CNGB3: variants seen among roughly 807,000 people sequenced by gnomAD.
The protein encoded by CNGB3 is cyclic nucleotide-gated channel beta-3.
In CNGB3, 86 loss-of-function variants were observed where a neutral mutation model predicts 92.8. That is an observed-to-expected ratio of 0.93 (90% CI 0.78 to 1.11). The LOEUF (loss-of-function observed/expected upper bound fraction) is 1.11. Among genes scored for constraint, CNGB3 ranks in the 50% least tolerant of loss-of-function variants. The pLI, the probability that CNGB3 is intolerant of heterozygous loss-of-function variation, is 0.00. For missense variants in CNGB3, 1,026 were observed against 956.8 expected, an observed-to-expected ratio of 1.07 and a Z score of -0.95; for synonymous variants, 333 against 332.7, an observed-to-expected ratio of 1.00 and a Z score of -0.01.
intron 3 of CNGB3, among the ~76,000 whole-genome samples, chr8:86,672,545 G>T (rs1823881542): frequency 6.6e-6 from 1 of 152,052 alleles, no homozygotes; most frequent in African/African-American, 2.4e-5. Flanking sequence ...CTGACATTGG[G>T]TCTACATGAG....
chr8:86,670,869 A>G, intron 4 of CNGB3, 75 bp downstream of exon 4: 1 of 1,518,958 alleles, frequency 6.6e-7, no homozygotes, highest in Non-Finnish European at 9.1e-7. Context: ...TGGGAGATCC[A>G]AACTAAAACA....
intron 1 of CNGB3, among the ~76,000 whole-genome samples, chr8:86,742,941 C>T (rs768692707): frequency 6.6e-5 from 10 of 152,134 alleles, no homozygotes; most frequent in Non-Finnish European, 1.3e-4. Context: ...TATAATTCTA[C>T]GTTGTGGAGG....
At chr8:86,698,596 G>A (rs1456323318) in intron 3 of CNGB3, among the ~76,000 whole-genome samples, 1 of 152,176 alleles carries the variant, frequency 6.6e-6, no homozygotes, top group Non-Finnish European at 1.5e-5. Flanking sequence ...GGCTTAACTT[G>A]CTTTTTGAAG....
At chr8:86,577,156 A>G (rs115937430) in intron 17 of CNGB3, among the ~76,000 whole-genome samples, 282 of 152,256 alleles carry the variant, frequency 1.9e-3, no homozygotes, top group African/African-American at 6.3e-3. Context: ...GAGAAACAAT[A>G]ACATTTGAGT....
chr8:86,622,102 A>G (rs1476266708), intron 13 of CNGB3, among the ~76,000 whole-genome samples: 2 of 152,202 alleles, frequency 1.3e-5, no homozygotes, highest in East Asian at 3.8e-4. Flanking sequence ...GTTGCTGCAA[A>G]TGCCATTATT....
intron 6 of CNGB3, chr8:86,658,830 G>A (rs954558387): frequency 3.3e-6 from 2 of 612,588 alleles, no homozygotes; most frequent in Non-Finnish European, 5.9e-6. Context: ...ATGACTGATG[G>A]TGGTGAGGTC....
chr8:86,654,462 A>G (rs2131603348), intron 6 of CNGB3, among the ~76,000 whole-genome samples: 2 of 152,260 alleles, frequency 1.3e-5, no homozygotes, highest in East Asian at 3.9e-4. Context: ...CTGTTATGGC[A>G]TTCATCATGA....
chr8:86,660,049 G>T, intron 6 of CNGB3: 2 of 328,724 alleles, frequency 6.1e-6, no homozygotes, highest in South Asian at 2.9e-5. Flanking sequence ...TGGCACCAGG[G>T]GAAGAGACAC....
chr8:86,699,811 G>T (rs982715198), intron 3 of CNGB3, among the ~76,000 whole-genome samples: 3 of 152,168 alleles, frequency 2.0e-5, no homozygotes, highest in Non-Finnish European at 4.4e-5. Flanking sequence ...AATATCTGCA[G>T]GTGGTGAATT....
At chr8:86,653,523 C>A (rs1823445085) in intron 7 of CNGB3, among the ~76,000 whole-genome samples, 1 of 151,892 alleles carries the variant, frequency 6.6e-6, no homozygotes, top group Non-Finnish European at 1.5e-5. Context: ...TCTCAGAGAA[C>A]AAAGTACTTA....
intron 3 of CNGB3, among the ~76,000 whole-genome samples, chr8:86,690,011 C>T (rs1399878913): frequency 6.6e-6 from 1 of 152,126 alleles, no homozygotes; most frequent in Non-Finnish European, 1.5e-5. Flanking sequence ...TGAGTAGTGT[C>T]ACAGTAAACA....
intron 3 of CNGB3, 128 bp downstream of exon 3, chr8:86,726,403 T>C: frequency 7.7e-7 from 1 of 1,291,130 alleles, no homozygotes; most frequent in Non-Finnish European, 1.1e-6. Flanking sequence ...ACAGTTTTTT[T>C]GTGTTATGTG....
rs543625826 is a variant in CNGB3, at chr8:86,589,853, G to A, written c.1782-10601C>T. On this transcript the variant is annotated intron_variant, in intron 15 of 17. Transcript: ENST00000320005. The stretch of plus-strand genomic sequence containing the variant: ...GGAGAGTTCTGTAGATGTCTATTGG[G>A]TCTGCTTGGTGCAGAGCTGAGTTCA... 1.0e-3 allele frequency among the ~76,000 whole-genome samples: 159 copies of A among 152,174 alleles called. 2 individuals carry two copies. Among genetic ancestry groups the A allele is most frequent in the South Asian group, 1.0e-2 (48 of 4,810 alleles).
chr8:86,574,616 G>A lies in CNGB3; in HGVS notation c.*1188C>T, dbSNP rs1383141273. On this transcript the variant is annotated 3_prime_UTR_variant, in exon 18 of 18. Coordinates refer to ENST00000320005, the MANE Select transcript of CNGB3 (RefSeq NM_019098.5). Reference sequence around the variant, plus strand: ...GTTAAAACCCTCTCAGCAAAGTGCTGTTACAGTGACCATCTTTGGAGACTT... The same window carrying A: ...GTTAAAACCCTCTCAGCAAAGTGCTATTACAGTGACCATCTTTGGAGACTT... The A allele has an allele frequency of 2.0e-5, 3 of 152,124 alleles. No homozygotes were observed. The highest frequency in any genetic ancestry group is 4.4e-5 in the Non-Finnish European group (3 of 68,010). 9.4% of individuals were successfully genotyped at this position (152,124 alleles called of 1,614,324 possible). A position where few individuals can be genotyped will look rare whatever the true frequency, so the allele number is the denominator to read the frequency against.
intron 15 of CNGB3, among the ~76,000 whole-genome samples, chr8:86,584,197 C>T (rs1292569486): frequency 6.6e-6 from 1 of 152,176 alleles, no homozygotes; most frequent in Non-Finnish European, 1.5e-5. Flanking sequence ...TTCATCTACT[C>T]AGCTTTCTTC....
At chr8:86,693,036 A>C (rs1824350429) in intron 3 of CNGB3, among the ~76,000 whole-genome samples, 1 of 152,106 alleles carries the variant, frequency 6.6e-6, no homozygotes, top group South Asian at 2.1e-4. Flanking sequence ...TGTTTTGTTT[A>C]AGGAGGTTAA....
At chr8:86,591,067 C>G (rs1822022363) in intron 15 of CNGB3, among the ~76,000 whole-genome samples, 1 of 151,950 alleles carries the variant, frequency 6.6e-6, no homozygotes, top group Non-Finnish European at 1.5e-5. Context: ...CTAAACTTTC[C>G]TTCTTGCTTC....
chr8:86,659,064 G>C (rs1174771013), intron 6 of CNGB3: 1 of 875,536 alleles, frequency 1.1e-6, no homozygotes, highest in East Asian at 2.5e-5. Flanking sequence ...AGAGGGCCCT[G>C]CTGGGGGCTC....
intron 3 of CNGB3, among the ~76,000 whole-genome samples, chr8:86,712,726 G>A (rs1489014936): frequency 6.8e-6 from 1 of 147,238 alleles, no homozygotes; most frequent in Non-Finnish European, 1.5e-5. Context: ...ATATCTATTA[G>A]TTTTATTTTT....
Sources: gnomAD v4.1 joint callset for allele counts (sites outside exome capture counted in the v4.1 genomes callset) on GRCh38, gnomAD v4.1.1 for gene constraint, MANE v1.5 for transcripts, NCBI Gene and HGNC (gene_info 2026-07-23, HGNC 2026-07-21) for gene names.